KRT8: variants seen among roughly 807,000 people sequenced by gnomAD.
KRT8 encodes the protein keratin, type II cytoskeletal 8.
A neutral mutation model predicts 43.0 loss-of-function variants in KRT8; 24 were observed. The ratio of observed to expected loss-of-function variants is 0.56; its 90% CI spans 0.40 to 0.78. The LOEUF (loss-of-function observed/expected upper bound fraction) is 0.78, where lower values mean the gene tolerates loss of function less well. KRT8 is among the 30% of genes least tolerant of loss of function. KRT8 has a pLI of 0.00. For missense variants in KRT8, 492 were observed against 638.4 expected (o/e 0.77, Z 2.47); for synonymous variants, 214 against 261.2 (o/e 0.82, Z 1.74).
At chr12:52,931,519 A>C (rs977893197) in intron 2 of KRT8, among the ~76,000 whole-genome samples, 36 of 152,248 alleles carry the variant, frequency 2.4e-4, no homozygotes, top group Middle Eastern at 3.4e-3. Flanking sequence ...TCCCAATCAT[A>C]GCTGGTACAA....
At chr12:52,930,380 C>T (rs1164930800) in intron 2 of KRT8, among the ~76,000 whole-genome samples, 1 of 152,134 alleles carries the variant, frequency 6.6e-6, no homozygotes, top group African/African-American at 2.4e-5. Flanking sequence ...CATGTGCCAT[C>T]ACACCTAATT....
chr12:52,899,034 G>A (rs1255764179), intron 5 of KRT8, 135 bp from the exon 6 acceptor site: 4 of 784,614 alleles, frequency 5.1e-6, no homozygotes, highest in Middle Eastern at 3.5e-4. Flanking sequence ...GAGACTAAGG[G>A]CCGGGCACAG....
At chr12:52,923,831 T>C (rs982628068) in intron 2 of KRT8, among the ~76,000 whole-genome samples, 2 of 152,030 alleles carry the variant, frequency 1.3e-5, no homozygotes, top group Admixed American at 1.3e-4. Flanking sequence ...GTGCTTGCAG[T>C]GTAGTGAGAA....
intron 2 of KRT8, among the ~76,000 whole-genome samples, chr12:52,938,244 C>T (rs1475133071): frequency 1.4e-5 from 2 of 144,130 alleles, no homozygotes; most frequent in Non-Finnish European, 3.0e-5. Context: ...CCTTAGCTCA[C>T]TGCAACCTCT....
chr12:52,909,468 G>C (rs896794054), upstream of KRT8, among the ~76,000 whole-genome samples: 4 of 152,214 alleles, frequency 2.6e-5, no homozygotes, highest in African/African-American at 9.6e-5. Flanking sequence ...GAGTCAATTC[G>C]ATTGCTAATT....
At chr12:52,902,388 T>C (rs12303041) in intron 1 of KRT8, among the ~76,000 whole-genome samples, 2 of 152,108 alleles carry the variant, frequency 1.3e-5, no homozygotes, top group African/African-American at 4.8e-5. Flanking sequence ...TCAATAAAAA[T>C]AGCCAAGCTT....
intron 2 of KRT8, among the ~76,000 whole-genome samples, chr12:52,933,133 AC>A (rs1166490703): frequency 2.0e-5 from 3 of 152,020 alleles, no homozygotes; most frequent in Admixed American, 2.0e-4. Context: ...TTCAGTAGAG[AC>A]GGGGTTTCAC....
intron 2 of KRT8, among the ~76,000 whole-genome samples, chr12:52,912,120 G>A (rs1478903372): frequency 6.6e-6 from 1 of 152,248 alleles, no homozygotes; most frequent in Non-Finnish European, 1.5e-5. Flanking sequence ...CAGCAACCAG[G>A]CACCTACCAC....
chr12:52,900,709 G>C (rs780341094), intron 3 of KRT8, 26 bp from the exon 4 acceptor site: 2 of 1,558,692 alleles, frequency 1.3e-6, no homozygotes, highest in Non-Finnish European at 1.8e-6. Flanking sequence ...AGGGGAGCCT[G>C]AGCTGGGTTT....
exon 6 of KRT8, chr12:52,898,698 G>A (rs958801395): frequency 6.2e-7 from 1 of 1,614,222 alleles, no homozygotes; most frequent in South Asian, 1.1e-5. Context: ...TCGCCCTCCA[G>A]CAGCTTCCTG....
intron 2 of KRT8, among the ~76,000 whole-genome samples, chr12:52,918,205 CAAGAAGAAGAAGAAGAAG>C (rs371624304): frequency 2.7e-4 from 31 of 116,670 alleles, no homozygotes; most frequent in East Asian, 1.1e-3. Context: ...AGAAGAAGAA[CAAGAAGAAGAAGAAGAAG>C]AAGAAGAAGA....
chr12:52,937,385 AAG>A (rs573602282), intron 2 of KRT8, among the ~76,000 whole-genome samples: 1 of 150,042 alleles, frequency 6.7e-6, no homozygotes, highest in African/African-American at 2.5e-5. Flanking sequence ...AAAAAAAAAA[AAG>A]AGAGAGAGAT....
At chr12:52,945,305 C>T (rs907950519) in intron 2 of KRT8, among the ~76,000 whole-genome samples, 2 of 152,286 alleles carry the variant, frequency 1.3e-5, no homozygotes, top group South Asian at 2.1e-4. Context: ...CCCTTCCTCC[C>T]TCCAGCCCAC....
intron 2 of KRT8, among the ~76,000 whole-genome samples, chr12:52,912,581 C>T (rs1170511770): frequency 6.6e-6 from 1 of 152,182 alleles, no homozygotes; most frequent in African/African-American, 2.4e-5. Flanking sequence ...TCCACGGGAC[C>T]AGTGACACTT....
rs754652686 is a variant in KRT8, at chr12:52,904,933, G to A, written c.49C>T (p.Pro17Ser). 1.1e-5 allele frequency: 18 copies of A among 1,612,320 alleles called. No homozygotes were observed. In the East Asian group the frequency reaches 1.8e-4, roughly 16 times the overall value. Residue 17 changes from proline (P) to serine (S), a missense_variant, in exon 1 of 8, where the codon CCC becomes TCC. Physicochemically the swap from Pro to Ser is moderately conservative, Grantham distance 74 (BLOSUM62 -1). This residue lies in a region of KRT8 where 84 missense variants were observed against 97.6 expected (regional missense o/e 0.86). Coordinates refer to ENST00000692008, the Ensembl canonical transcript of KRT8. The stretch of plus-strand genomic sequence containing the variant: ...TAGGAGCGGCTGCTGAAGGCCCGGG[G>A]GCCAGAGGTGGACACCTTGTAGGAC...
intron 2 of KRT8, among the ~76,000 whole-genome samples, chr12:52,937,680 T>A (rs1942189927): frequency 7.0e-6 from 1 of 143,606 alleles, no homozygotes; most frequent in Admixed American, 7.1e-5. Flanking sequence ...GGAGTGAAAC[T>A]CTGTCTCAAA....
chr12:52,899,004 C>A (rs1475581936), intron 5 of KRT8, 105 bp from the exon 6 acceptor site: 5 of 955,246 alleles, frequency 5.2e-6, no homozygotes, highest in Admixed American at 2.0e-5. Flanking sequence ...TAGGCTGACT[C>A]CCCCCAGCTC....
At chr12:52,940,223 G>A (rs1387617513) in intron 2 of KRT8, among the ~76,000 whole-genome samples, 2 of 151,994 alleles carry the variant, frequency 1.3e-5, no homozygotes, top group East Asian at 3.9e-4. Context: ...ACCAAGCTCA[G>A]GTGTTTGACA....
chr12:52,938,172 T>TATATATATATATATATA (rs1565733045), intron 2 of KRT8, among the ~76,000 whole-genome samples: 2 of 22,406 alleles, frequency 8.9e-5, no homozygotes, highest in African/African-American at 3.4e-4. Flanking sequence ...ATATATATAT[T>TATATATATATATATATA]TTTTTTTTTT....
Sources: allele counts gnomAD v4.1 joint callset (sites outside exome capture counted in the v4.1 genomes callset), GRCh38; gene constraint gnomAD v4.1.1; regional missense constraint gnomAD v4.1.1; transcripts MANE v1.5; gene names NCBI Gene and HGNC (gene_info 2026-07-23, HGNC 2026-07-21).